KIFBP: variants seen among roughly 807,000 people sequenced by gnomAD.
The protein encoded by KIFBP is KIF-binding protein.
Under a neutral mutation model 58.9 loss-of-function variants are expected in KIFBP, and 46 were observed. The observed-to-expected ratio is 0.78, with a 90% confidence interval of 0.62 to 1.00. The LOEUF is 1.00. KIFBP is among the 50% of genes least tolerant of loss of function. KIFBP has a pLI of 0.00. For missense variants in KIFBP, 651 were observed against 752.9 expected, an observed-to-expected ratio of 0.86 and a Z score of 1.58; for synonymous variants, 241 against 283.4, an observed-to-expected ratio of 0.85 and a Z score of 1.50.
At chr10:68,993,869 T>C (rs139848271) in intron 1 of KIFBP, among the ~76,000 whole-genome samples, 2 of 152,182 alleles carry the variant, frequency 1.3e-5, no homozygotes, top group African/African-American at 2.4e-5. Flanking sequence ...CTAAGTAAAC[T>C]GATTAAGTTT....
chr10:69,009,061 C>T, intron 5 of KIFBP, 136 bp downstream of exon 5: 1 of 686,774 alleles, frequency 1.5e-6, no homozygotes, highest in Non-Finnish European at 2.6e-6. Context: ...TAGTATTTTC[C>T]TCGCTTGGAA....
intron 2 of KIFBP, among the ~76,000 whole-genome samples, chr10:69,001,926 T>C (rs1843470676): frequency 6.6e-6 from 1 of 152,054 alleles, no homozygotes; most frequent in Non-Finnish European, 1.5e-5. Flanking sequence ...TCCCAGCACT[T>C]TGGGAGGCTG....
At chr10:69,012,417 A>C (rs924407769) in intron 6 of KIFBP, among the ~76,000 whole-genome samples, 5 of 152,198 alleles carry the variant, frequency 3.3e-5, no homozygotes, top group Non-Finnish European at 5.9e-5. Flanking sequence ...AAAATTAATC[A>C]TTTAGATGCA....
chr10:68,991,023 C>T (rs1198698121), intron 1 of KIFBP: 1 of 152,150 alleles, frequency 6.6e-6, no homozygotes, highest in Non-Finnish European at 1.5e-5. Context: ...GTAATCCTAG[C>T]ACTTTGGGAG....
At chr10:69,010,597 G>A (rs763381739) in intron 5 of KIFBP, among the ~76,000 whole-genome samples, 10 of 152,088 alleles carry the variant, frequency 6.6e-5, no homozygotes, top group Non-Finnish European at 1.2e-4. Flanking sequence ...TTAGAAGAAT[G>A]GTTAAATAAT....
intron 6 of KIFBP, among the ~76,000 whole-genome samples, chr10:69,012,962 A>T (rs892861198): frequency 9.9e-5 from 15 of 152,108 alleles, no homozygotes; most frequent in African/African-American, 3.4e-4. Context: ...AGGAAGCATG[A>T]CTAGGAGCCC....
chr10:69,014,825 A>G (rs528067646), intron 6 of KIFBP, among the ~76,000 whole-genome samples: 6 of 151,512 alleles, frequency 4.0e-5, no homozygotes, highest in African/African-American at 1.5e-4. Flanking sequence ...TTTCTGTCTG[A>G]TATATTTCAC....
intron 2 of KIFBP, 110 bp downstream of exon 2, chr10:69,000,632 C>T (rs1462532781): frequency 7.0e-5 from 55 of 788,082 alleles, no homozygotes; most frequent in Non-Finnish European, 4.2e-5. Context: ...TGCCCTAGAA[C>T]TTCTCTATAG....
chr10:69,010,986 C>T lies in KIFBP; in HGVS notation c.961C>T (p.Leu321Phe), dbSNP rs200525249. ...ARCWIKYCLT[L>F]MQNAQLSMQD... ...GTGCTGGATCAAATACTGTTTGACTCTCATGCAGAATGCCCAACTCTCCAT... is the reference window on the plus strand; with the variant it reads ...GTGCTGGATCAAATACTGTTTGACTTTCATGCAGAATGCCCAACTCTCCAT... The change falls in exon 6 of 7, where the codon CTC becomes TTC. Residue 321 changes from leucine (L) to phenylalanine (F), a missense_variant. By Grantham distance (22) the Leu-to-Phe change is conservative. Coordinates refer to ENST00000361983, the MANE Select transcript of KIFBP (RefSeq NM_015634.4). 6.2e-7 allele frequency: 1 copy of T among 1,613,870 alleles called. No individual in the cohort carries two copies. The highest frequency in any genetic ancestry group is 1.6e-4 in the Middle Eastern group (1 of 6,062).
At position 69,005,049 on chromosome 10, in the gene KIFBP, G is replaced by T; in HGVS notation, c.529G>T (p.Gly177Trp). Residue 177 changes from glycine to tryptophan, a missense_variant, in exon 3 of 7, where the codon GGG (glycine) becomes TGG (tryptophan). Coordinates refer to ENST00000361983, the MANE Select transcript of KIFBP (RefSeq NM_015634.4). ...ALYNQYMKEV[G>W]SPPLDPTERF... ...CTTTTGTTTTTCTTAATTGTAGGTT[G>T]GGAGTCCTCCTCTTGATCCTACTGA... is the stretch of plus-strand genomic sequence containing the variant. The T allele has an allele frequency of 6.2e-7, 1 of 1,611,258 alleles. No individual in the cohort carries two copies. Among genetic ancestry groups the T allele is most frequent in the South Asian group, 1.1e-5 (1 of 91,010 alleles).
intron 5 of KIFBP, 106 bp downstream of exon 5, chr10:69,009,031 C>T: frequency 1.2e-6 from 1 of 800,952 alleles, no homozygotes; most frequent in South Asian, 1.5e-5. Context: ...ATCATATGCC[C>T]TTCTAAATGC....
chr10:69,011,392 A>C (rs199584187), intron 6 of KIFBP: 4,619 of 38,956 alleles, frequency 0.12, 97 homozygotes, highest in Non-Finnish European at 0.16. Context: ...ACGATATCAT[A>C]TTCTTTTTTT....
intron 1 of KIFBP, among the ~76,000 whole-genome samples, chr10:68,999,373 C>T (rs1029944130): frequency 6.6e-6 from 1 of 151,846 alleles, no homozygotes; most frequent in Non-Finnish European, 1.5e-5. Flanking sequence ...GCTAGAATTA[C>T]AGGCGTGAGC....
rs1839008978 is a variant in KIFBP at position 69,016,574 on chromosome 10, C to T, written c.*158C>T. The T allele has an allele frequency of 3.0e-6, 2 of 676,612 alleles. No homozygotes were observed. The highest frequency in any genetic ancestry group is 4.9e-6 in the Non-Finnish European group (2 of 408,164). 41.9% of individuals were successfully genotyped at this position (676,612 alleles called of 1,614,324 possible). On this transcript the variant is annotated 3_prime_UTR_variant, in exon 7 of 7. Coordinates refer to ENST00000361983, the MANE Select transcript of KIFBP (RefSeq NM_015634.4). ...GAGTGTTTGCTAGGATCCTAAGGAA[C>T]ATAAAGTTAATTAAAAACTTACACC...
chr10:69,005,126 G>C lies in KIFBP; in HGVS notation c.605+1G>C. The C allele has an allele frequency of 6.2e-7, 1 of 1,601,682 alleles. No homozygotes were observed. On this transcript the variant is annotated splice_donor_variant, in intron 3 of 6. Transcript: ENST00000361983. LOFTEE classifies it high-confidence loss of function. Reference sequence around the variant, plus strand: ...TTACTGAACAAGAGAGATCAAAAAGGTGAGTAGGTATAGAAATCAGCCCTT... The same window carrying C: ...TTACTGAACAAGAGAGATCAAAAAGCTGAGTAGGTATAGAAATCAGCCCTT...
intron 1 of KIFBP, 190 bp downstream of exon 1, chr10:68,989,448 C>G (rs1843317186): frequency 3.1e-6 from 2 of 641,074 alleles, no homozygotes; most frequent in Non-Finnish European, 5.4e-6. Flanking sequence ...TGCCTTGTAA[C>G]TAGATCTCCC....
At chr10:68,992,490 G>A (rs1843360901) in intron 1 of KIFBP, among the ~76,000 whole-genome samples, 1 of 152,174 alleles carries the variant, frequency 6.6e-6, no homozygotes, top group African/African-American at 2.4e-5. Flanking sequence ...ACTACCTCAA[G>A]AAGAACAATC....
chr10:69,002,977 G>C (rs926046575), intron 2 of KIFBP, among the ~76,000 whole-genome samples: 8 of 150,788 alleles, frequency 5.3e-5, no homozygotes, highest in African/African-American at 2.0e-4. Context: ...GGAGGCCGAG[G>C]TGGGAAGATT....
chr10:69,009,355 A>C (rs1043607638), intron 5 of KIFBP, among the ~76,000 whole-genome samples: 3 of 151,864 alleles, frequency 2.0e-5, no homozygotes, highest in Non-Finnish European at 4.4e-5. Flanking sequence ...AAAAAAAAAA[A>C]AGTAACATTG....
Sources: allele counts gnomAD v4.1 joint callset (sites outside exome capture counted in the v4.1 genomes callset), GRCh38; gene constraint gnomAD v4.1.1; transcripts MANE v1.5; gene names NCBI Gene and HGNC (gene_info 2026-07-23, HGNC 2026-07-21).